NRG1: variants seen among roughly 807,000 people sequenced by gnomAD.
NRG1 encodes the protein neuregulin 1.
Under a neutral mutation model 63.8 loss-of-function variants are expected in NRG1, and 18 were observed. The ratio of observed to expected loss-of-function variants is 0.28; its 90% CI spans 0.19 to 0.42. The LOEUF (loss-of-function observed/expected upper bound fraction) is 0.42. Ranked by LOEUF, NRG1 falls within the 10% of genes least tolerant of loss-of-function variation. NRG1 has a pLI of 1.00. For synonymous variants in NRG1, 302 were observed against 301.3 expected, an observed-to-expected ratio of 1.00 and a Z score of -0.02; for missense variants, 762 against 814.7, an observed-to-expected ratio of 0.94 and a Z score of 0.79.
intron 1 of NRG1, among the ~76,000 whole-genome samples, chr8:32,007,905 C>G (rs907432341): frequency 2.0e-5 from 3 of 151,874 alleles, no homozygotes; most frequent in Non-Finnish European, 1.5e-5. Context: ...CTATGAGTGA[C>G]TGCACTGTGA....
At chr8:32,608,339 T>TA (rs796332834) in intron 3 of NRG1, among the ~76,000 whole-genome samples, 40 of 146,586 alleles carry the variant, frequency 2.7e-4, no homozygotes, top group South Asian at 4.4e-4. Context: ...CCTGGCTAAT[T>TA]AAAAAAAAAA....
chr8:32,053,428 G>A (rs1586761330), intron 1 of NRG1, among the ~76,000 whole-genome samples: 1 of 152,190 alleles, frequency 6.6e-6, no homozygotes, highest in Non-Finnish European at 1.5e-5. Context: ...TCCGGATTGA[G>A]CTTTATGCTC....
At chr8:32,371,618 G>A (rs1405605032) in intron 1 of NRG1, among the ~76,000 whole-genome samples, 1 of 152,118 alleles carries the variant, frequency 6.6e-6, no homozygotes, top group Non-Finnish European at 1.5e-5. Context: ...GTGAGAATTG[G>A]GAGAAACTTT....
rs919059296 is a variant in NRG1, at chr8:31,819,028, C to T, written c.37+179597C>T. Among the ~76,000 whole-genome samples, 6 of 152,074 alleles carry T rather than the reference C, an allele frequency of 3.9e-5. 1 individual carries two copies. The South Asian group carries it at 8.3e-4, about 21-fold the overall frequency. On this transcript the variant is annotated intron_variant, in intron 1 of 10. Transcript: ENST00000519301. ...GAGATCGCGCCACTGCACTCCAGCC[C>T]GGGCGACAGAGTGAGACTTCTTCTC...
intron 1 of NRG1, among the ~76,000 whole-genome samples, chr8:32,242,515 T>C (rs1477413434): frequency 6.6e-6 from 1 of 152,116 alleles, no homozygotes; most frequent in African/African-American, 2.4e-5. Flanking sequence ...ACGTCTAAAA[T>C]AATTAGTGCA....
At chr8:31,894,629 C>T (rs1046449801) in intron 1 of NRG1, among the ~76,000 whole-genome samples, 7 of 147,502 alleles carry the variant, frequency 4.7e-5, no homozygotes, top group South Asian at 2.1e-4. Flanking sequence ...TGGCTCACTG[C>T]GAGCTCCGCC....
chr8:32,481,266 C>T (rs1001433821), intron 1 of NRG1, among the ~76,000 whole-genome samples: 1 of 152,080 alleles, frequency 6.6e-6, no homozygotes, highest in African/African-American at 2.4e-5. Context: ...ATTGCTTGAG[C>T]CTGGCAGGCG....
intron 1 of NRG1, among the ~76,000 whole-genome samples, chr8:32,361,105 C>T (rs778602256): frequency 5.9e-5 from 9 of 152,112 alleles, no homozygotes; most frequent in Non-Finnish European, 1.3e-4. Context: ...GGTATAGAAA[C>T]ACATATTATA....
intron 1 of NRG1, among the ~76,000 whole-genome samples, chr8:32,122,064 A>G (rs1408926679): frequency 6.6e-6 from 1 of 152,008 alleles, no homozygotes; most frequent in Non-Finnish European, 1.5e-5. Flanking sequence ...AGACTGACCA[A>G]AGATTTGGGG....
chr8:32,123,198 T>G (rs1241504251), intron 1 of NRG1, among the ~76,000 whole-genome samples: 2 of 151,766 alleles, frequency 1.3e-5, no homozygotes, highest in Non-Finnish European at 2.9e-5. Flanking sequence ...TTGATAGGGG[T>G]TGGCTGTGGC....
intron 1 of NRG1, among the ~76,000 whole-genome samples, chr8:32,021,351 T>C (rs1043556101): frequency 6.6e-6 from 1 of 152,162 alleles, no homozygotes; most frequent in African/African-American, 2.4e-5. Flanking sequence ...TGCAGACATG[T>C]GTGAAGAGGG....
At chr8:32,729,623 G>A (rs940278716) in intron 6 of NRG1, among the ~76,000 whole-genome samples, 1 of 152,118 alleles carries the variant, frequency 6.6e-6, no homozygotes, top group Admixed American at 6.5e-5. Context: ...AAATGAAAAA[G>A]GCACCAGAAA....
intron 1 of NRG1, among the ~76,000 whole-genome samples, chr8:32,052,604 A>C (rs1370330786): frequency 1.3e-5 from 2 of 152,156 alleles, no homozygotes; most frequent in African/African-American, 4.8e-5. Context: ...ATATTTTAGC[A>C]AGCTGTAAAG....
In NRG1 at chr8:32,618,634, G is replaced by C. The variant is rs140863602; in HGVS notation, c.502+1749G>C. ...TGCCATTTTCACACATCAGTCACCC[G>C]GGGTCATGGTAAGTTCTCAGTAAAT... On this transcript the variant is annotated intron_variant, in intron 5 of 11. Transcript: ENST00000356819. Among the ~76,000 whole-genome samples the C allele has an allele frequency of 6.9e-3, 1,053 of 152,190 alleles. 12 individuals carry two copies. The highest frequency in any genetic ancestry group is 0.024 in the African/African-American group (983 of 41,518).
In NRG1 at chr8:32,179,445, G is replaced by A. The variant is rs190631297; in HGVS notation, c.38-416383G>A. Among the ~76,000 whole-genome samples, 65 of 152,260 alleles carry A rather than the reference G, an allele frequency of 4.3e-4. No individual in the cohort carries two copies. The East Asian group carries it at 8.9e-3, about 21-fold the overall frequency. On this transcript the variant is annotated intron_variant, in intron 1 of 10. Transcript: ENST00000519301. ...TTGTTTCTACTACTGAAGGATTTTC[G>A]TCTATTTATTTGAGAAAAGTGAGAA...
rs182260334 is a variant in NRG1 at position 31,963,220 on chromosome 8, T to G, written c.37+323789T>G. On this transcript the variant is annotated intron_variant, in intron 1 of 10. Coordinates refer to the NRG1 transcript ENST00000519301. ...TGTGCCAATGAAACAATAGGGCTAA[T>G]TAGCAGACATGAAAATGAATCACTG... Among the ~76,000 whole-genome samples, 504 of 152,364 alleles carry G rather than the reference T, an allele frequency of 3.3e-3. 2 individuals carry two copies. The highest frequency in any genetic ancestry group is 0.022 in the South Asian group (105 of 4,830).
At chr8:32,714,768 A>G (rs1818737612) in intron 5 of NRG1, among the ~76,000 whole-genome samples, 2 of 152,148 alleles carry the variant, frequency 1.3e-5, no homozygotes, top group Admixed American at 1.3e-4. Context: ...AGGCATGCGC[A>G]TGCACACACA....
At chr8:32,745,369 A>T (rs1384904066) in intron 7 of NRG1, among the ~76,000 whole-genome samples, 1 of 152,182 alleles carries the variant, frequency 6.6e-6, no homozygotes, top group Non-Finnish European at 1.5e-5. Flanking sequence ...GAAAAATAAC[A>T]TTCTAAAGAA....
chr8:32,697,450 C>T (rs1353278004), intron 5 of NRG1, among the ~76,000 whole-genome samples: 1 of 152,160 alleles, frequency 6.6e-6, no homozygotes, highest in Non-Finnish European at 1.5e-5. Flanking sequence ...TCTCTTTGTT[C>T]TATAAGCTTG....
Sources: gnomAD v4.1 joint callset for allele counts (sites outside exome capture counted in the v4.1 genomes callset) on GRCh38, gnomAD v4.1.1 for gene constraint, MANE v1.5 for transcripts, NCBI Gene and HGNC (gene_info 2026-07-23, HGNC 2026-07-21) for gene names.